Variants in COL4A3 observed in about 807,000 individuals in gnomAD.
COL4A3 encodes the protein collagen type IV alpha 3 chain, also known as collagen alpha-3(IV) chain.
Under a neutral mutation model 217.4 loss-of-function variants are expected in COL4A3, and 135 were observed. That is an observed-to-expected ratio of 0.62 (90% CI 0.54 to 0.72). The LOEUF is 0.72. COL4A3 is among the 30% of genes least tolerant of loss of function. The probability of loss-of-function intolerance (pLI) is 0.00; values close to 1 mark genes in which losing one functional copy is unlikely to be tolerated. For missense variants in COL4A3, 1,868 were observed against 2,119.9 expected (o/e 0.88, Z 2.33); for synonymous variants, 690 against 736.3 (o/e 0.94, Z 1.02).
At position 227,257,650 on chromosome 2, in the gene COL4A3, T is replaced by A; in HGVS notation, c.1029+6T>A. On this transcript the variant is annotated splice_donor_region_variant and intron_variant, in intron 18 of 51. Transcript: ENST00000396578. ...CTCCAGGATTTCGTGGTCCAGTAAG[T>A]GTGATTAAAGACAATATCAATGCTA... The A allele has an allele frequency of 6.2e-7, 1 of 1,612,912 alleles. No individual in the cohort carries two copies. The highest frequency in any genetic ancestry group is 1.3e-5 in the African/African-American group (1 of 75,016).
chr2:227,229,411 A>T (rs1048559414), intron 1 of COL4A3, among the ~76,000 whole-genome samples: 1 of 152,258 alleles, frequency 6.6e-6, no homozygotes, highest in Non-Finnish European at 1.5e-5. Flanking sequence ...ATTAACAAAT[A>T]TGAGTTAATT....
At chr2:227,206,511 G>C (rs1328400649) in intron 1 of COL4A3, among the ~76,000 whole-genome samples, 6 of 152,234 alleles carry the variant, frequency 3.9e-5, no homozygotes, top group South Asian at 2.1e-4. Context: ...AGCAGGAAGA[G>C]AGCCAGCTGA....
intron 19 of COL4A3, among the ~76,000 whole-genome samples, chr2:227,260,445 G>C (rs1209302688): frequency 6.6e-6 from 1 of 152,184 alleles, no homozygotes; most frequent in Non-Finnish European, 1.5e-5. Flanking sequence ...TCATTGTCTG[G>C]AGGAGGGCTC....
chr2:227,172,820 C>A (rs943218062), intron 1 of COL4A3, among the ~76,000 whole-genome samples: 1 of 152,068 alleles, frequency 6.6e-6, no homozygotes, highest in African/African-American at 2.4e-5. Flanking sequence ...CTCCTGACCT[C>A]AAGTGATCCA....
At chr2:227,290,984 A>G (rs183633921) in intron 37 of COL4A3, 98 bp downstream of exon 37, 1 of 1,337,842 alleles carries the variant, frequency 7.5e-7, no homozygotes, top group East Asian at 2.5e-5. Flanking sequence ...GAGAAAATTG[A>G]AACTGTTACT....
chr2:227,271,081 C>T lies in COL4A3; in HGVS notation c.1758+129C>T, dbSNP rs994827724. ...TCACTCTAACTGCAGAATGAAACAT[C>T]TTCAAATTAGCAGGAATAACCCAAG... On this transcript the variant is annotated intron_variant, in intron 25 of 51. Coordinates refer to ENST00000396578, the MANE Select transcript of COL4A3 (RefSeq NM_000091.5). 2.2e-5 allele frequency: 18 copies of T among 814,810 alleles called. No homozygotes were observed. The East Asian group carries it at 3.2e-4, about 14-fold the overall frequency. 50.5% of individuals were successfully genotyped at this position (814,810 alleles called of 1,614,324 possible).
At position 227,309,325 on chromosome 2, in the gene COL4A3, A is replaced by G; in HGVS notation, c.4755+7A>G. 1 of 1,605,854 alleles carries G rather than the reference A, an allele frequency of 6.2e-7. No individual in the cohort carries two copies. Among genetic ancestry groups the G allele is most frequent in the South Asian group, 1.1e-5 (1 of 90,672 alleles). ...AGGATTTTCATTCATCATGGTGAGGAGAAAAGGAACAGGAGGTTTAGGGTA... is the reference window on the plus strand; with the variant it reads ...AGGATTTTCATTCATCATGGTGAGGGGAAAAGGAACAGGAGGTTTAGGGTA... On this transcript the variant is annotated splice_region_variant and intron_variant, in intron 50 of 51. Coordinates refer to ENST00000396578, the MANE Select transcript of COL4A3 (RefSeq NM_000091.5).
chr2:227,256,372 G>C lies in COL4A3; in HGVS notation c.963G>C (p.Gly321=). The change falls in exon 17 of 52, where the codon GGG becomes GGC. Residue 321 remains glycine (G), a synonymous_variant. Transcript: ENST00000396578. ...TCAAGGGCAACAGGGGTTTCCCTGG[G>C]TTAATGGGTGAAGATGGCATTAAGG... ...EGVKGNRGFP[G]LMGEDGIKGQ... 1 of 1,613,558 alleles carries C rather than the reference G, an allele frequency of 6.2e-7. No individual in the cohort carries two copies. The highest frequency in any genetic ancestry group is 8.5e-7 in the Non-Finnish European group (1 of 1,179,564).
At chr2:227,246,412 T>C (rs1463174391) in intron 6 of COL4A3, 1 of 535,762 alleles carries the variant, frequency 1.9e-6, no homozygotes, top group Non-Finnish European at 3.3e-6. Context: ...AATGAACTAA[T>C]TACTCAAGTT....
chr2:227,310,854 C>T lies in COL4A3; in HGVS notation c.4834C>T (p.Pro1612Ser). ...GSCLEEFRAS[P>S]FLECHGRGTC... ...CTGCCTGGAAGAATTCCGAGCCAGC[C>T]CATTTCTAGAATGTCATGGAAGAGG... Residue 1612 changes from proline (P) to serine (S), a missense_variant, in exon 51 of 52, where the codon CCA becomes TCA. This residue lies in a region of COL4A3 where 1,503 missense variants were observed against 1,786.1 expected (regional missense o/e 0.84). Coordinates refer to ENST00000396578, the MANE Select transcript of COL4A3 (RefSeq NM_000091.5). The T allele has an allele frequency of 6.2e-7, 1 of 1,614,150 alleles. No homozygotes were observed. The highest frequency in any genetic ancestry group is 1.1e-5 in the South Asian group (1 of 91,082).
chr2:227,195,665 ATATG>A (rs773353466), intron 1 of COL4A3, among the ~76,000 whole-genome samples: 16 of 129,116 alleles, frequency 1.2e-4, no homozygotes, highest in East Asian at 4.3e-4. Context: ...ATATATATAT[ATATG>A]TGTGTGTGTG....
rs776415826 is a variant in COL4A3 at position 227,247,550 on chromosome 2, T to C, written c.442-8T>C. 6.2e-7 allele frequency: 1 copy of C among 1,614,084 alleles called. No homozygotes were observed. Among genetic ancestry groups the C allele is most frequent in the Non-Finnish European group, 8.5e-7 (1 of 1,179,960 alleles). On this transcript the variant is annotated splice_polypyrimidine_tract_variant and splice_region_variant and intron_variant, in intron 7 of 51. Transcript: ENST00000396578. ...CCTCTAGTTGTTCATAGGTTGCTTTTTTCCTAGGGTGCTGCTGGTTTGAAA... is the reference window on the plus strand; with the variant it reads ...CCTCTAGTTGTTCATAGGTTGCTTTCTTCCTAGGGTGCTGCTGGTTTGAAA...
chr2:227,240,605 C>A (rs1239856398), intron 3 of COL4A3, among the ~76,000 whole-genome samples: 1 of 152,202 alleles, frequency 6.6e-6, no homozygotes, highest in Non-Finnish European at 1.5e-5. Context: ...CGAGGTGCCT[C>A]CCCTCTCTCC....
intron 1 of COL4A3, among the ~76,000 whole-genome samples, chr2:227,210,761 T>G (rs891496157): frequency 1.3e-4 from 20 of 152,206 alleles, no homozygotes; most frequent in African/African-American, 4.8e-4. Context: ...CACCACCAAA[T>G]GCAATTCAGA....
chr2:227,165,840 A>G (rs2065244835), intron 1 of COL4A3, among the ~76,000 whole-genome samples: 1 of 146,830 alleles, frequency 6.8e-6, no homozygotes, highest in Non-Finnish European at 1.5e-5. Flanking sequence ...CAGACATTAT[A>G]GGTGAAACTA....
chr2:227,271,261 T>C (rs76505522), intron 25 of COL4A3, among the ~76,000 whole-genome samples: 9,063 of 152,180 alleles, frequency 0.06, 679 homozygotes, highest in African/African-American at 0.17. Context: ...AAATGATGTA[T>C]AGTAGAAAGT....
intron 2 of COL4A3, 158 bp downstream of exon 2, chr2:227,238,182 A>C (rs529421721): frequency 1.7e-4 from 89 of 526,712 alleles, no homozygotes; most frequent in African/African-American, 1.4e-3. Context: ...AACCTAAAAA[A>C]AAAAAAAGAA....
chr2:227,261,762 G>C (rs543367409), intron 20 of COL4A3, among the ~76,000 whole-genome samples: 1 of 152,320 alleles, frequency 6.6e-6, no homozygotes, highest in African/African-American at 2.4e-5. Flanking sequence ...ATGGTAATGA[G>C]GTTGCTTGAA....
Position 227,310,882 on chromosome 2 carries a change from C to A in COL4A3, c.4862C>A (p.Thr1621Lys), listed in dbSNP as rs748527311. 6.2e-7 allele frequency: 1 copy of A among 1,614,128 alleles called. No homozygotes were observed. Among genetic ancestry groups the A allele is most frequent in the African/African-American group, 1.3e-5 (1 of 75,038 alleles). ...SPFLECHGRGTCNYYSNSYSF... is the reference protein window; with the variant it reads ...SPFLECHGRGKCNYYSNSYSF... Reference sequence around the variant, plus strand: ...TTTCTAGAATGTCATGGAAGAGGAACGTGCAACTACTATTCAAATTCCTAC... The same window carrying A: ...TTTCTAGAATGTCATGGAAGAGGAAAGTGCAACTACTATTCAAATTCCTAC... The change falls in exon 51 of 52, where the codon ACG (threonine) becomes AAG (lysine). Residue 1621 changes from threonine (T) to lysine (K), a missense_variant. Thr to Lys is a moderately conservative substitution (Grantham distance 78, BLOSUM62 -1). This residue lies in a region of COL4A3 where 1,503 missense variants were observed against 1,786.1 expected (regional missense o/e 0.84). Transcript: ENST00000396578.
Sources: allele counts gnomAD v4.1 joint callset (sites outside exome capture counted in the v4.1 genomes callset), GRCh38; gene constraint gnomAD v4.1.1; regional missense constraint gnomAD v4.1.1; transcripts MANE v1.5; gene names NCBI Gene and HGNC (gene_info 2026-07-23, HGNC 2026-07-21).